The following MYRFL variants were observed in gnomAD, a reference collection of about 807,000 sequenced individuals.
MYRFL encodes the protein myelin regulatory factor like, also known as myelin regulatory factor-like protein.
A neutral mutation model predicts 109.4 loss-of-function variants in MYRFL; 88 were observed. The observed-to-expected ratio is 0.80, with a 90% CI of 0.68 to 0.96. MYRFL has a LOEUF of 0.96. Ranked by LOEUF, MYRFL falls within the 40% of genes least tolerant of loss-of-function variation. MYRFL has a pLI of 0.00. For missense variants in MYRFL, 957 were observed against 954.9 expected, an observed-to-expected ratio of 1.00 and a Z score of -0.03; for synonymous variants, 324 against 320.9, an observed-to-expected ratio of 1.01 and a Z score of -0.10.
At chr12:69,882,329 A>C (rs1197643108) in intron 5 of MYRFL, among the ~76,000 whole-genome samples, 1 of 152,172 alleles carries the variant, frequency 6.6e-6, no homozygotes, top group Admixed American at 6.5e-5. Flanking sequence ...GAAAAAAAAG[A>C]CACAAAACAA....
chr12:69,958,325 T>G lies in MYRFL; in HGVS notation c.2646+2T>G, dbSNP rs779049083. On this transcript the variant is annotated splice_donor_variant, in intron 24 of 24. Transcript: ENST00000552032. LOFTEE classifies it high-confidence loss of function. The stretch of plus-strand genomic sequence containing the variant: ...TTCCATTTCCGTGTAGCTGCACCGG[T>G]AAGCTTGCTTTTTCTTTTTCTTTTC... 6.5e-6 allele frequency: 10 copies of G among 1,535,404 alleles called. No homozygotes were observed. The African/African-American group carries it at 9.6e-5, about 15-fold the overall frequency.
chr12:69,892,006 G>A (rs934346257), intron 7 of MYRFL, among the ~76,000 whole-genome samples: 2 of 152,146 alleles, frequency 1.3e-5, no homozygotes, highest in Non-Finnish European at 2.9e-5. Flanking sequence ...CCTGGGCTCA[G>A]AAAATGGCAC....
chr12:69,935,901 A>C, intron 16 of MYRFL: 2 of 583,484 alleles, frequency 3.4e-6, no homozygotes, highest in East Asian at 5.9e-5. Flanking sequence ...AATACCTAGG[A>C]GCCTCTGAGC....
In MYRFL at chr12:69,853,318, C is replaced by A. The variant is rs141718146; in HGVS notation, c.47-1962C>A. ...GCAGAGACGCTCCTCACTTCCCGGA[C>A]GGGGTGGCTGCTGGGCGGAGGGGCT... On this transcript the variant is annotated intron_variant, in intron 1 of 24. Coordinates refer to ENST00000552032, the MANE Select transcript of MYRFL (RefSeq NM_182530.3). Among the ~76,000 whole-genome samples, 47 of 151,888 alleles carry A rather than the reference C, an allele frequency of 3.1e-4. No individual in the cohort carries two copies. In the East Asian group the frequency reaches 6.6e-3, roughly 21 times the overall value.
chr12:69,904,468 G>A (rs1444044248), intron 11 of MYRFL: 3 of 152,378 alleles, frequency 2.0e-5, no homozygotes, highest in East Asian at 3.9e-4. Flanking sequence ...TGGCTTCTCC[G>A]CTTTGGGCTC....
Position 69,910,011 on chromosome 12 carries a change from A to G in MYRFL, c.1426A>G (p.Ile476Val). The G allele has an allele frequency of 6.5e-7, 1 of 1,534,938 alleles. No homozygotes were observed. The highest frequency in any genetic ancestry group is 8.7e-7 in the Non-Finnish European group (1 of 1,146,520). ...EQLKRIAQMR[I>V]VEYDYKPEFA... ...GCTGAAAAGAATAGCCCAAATGAGAATTGTTGAATATGACTACAAACCTGA... is the reference window on the plus strand; with the variant it reads ...GCTGAAAAGAATAGCCCAAATGAGAGTTGTTGAATATGACTACAAACCTGA... Residue 476 changes from isoleucine (I) to valine (V), a missense_variant, in exon 12 of 25, where the codon ATT becomes GTT. By Grantham distance (29) the Ile-to-Val change is conservative. Coordinates refer to ENST00000552032, the MANE Select transcript of MYRFL (RefSeq NM_182530.3).
intron 10 of MYRFL, among the ~76,000 whole-genome samples, chr12:69,898,257 A>G (rs532286685): frequency 1.5e-4 from 23 of 152,332 alleles, no homozygotes; most frequent in African/African-American, 5.5e-4. Context: ...CCTTTTGTCA[A>G]TTAAAATTAA....
At chr12:69,891,611 CTTTCTTTCTTTCCTCCTTCCTTTCTT>C (rs1566002079) in intron 7 of MYRFL, among the ~76,000 whole-genome samples, 13 of 107,396 alleles carry the variant, frequency 1.2e-4, no homozygotes, top group African/African-American at 3.2e-4. Flanking sequence ...CTTTCTCTTT[CTTTCTTTCTTTCCTCCTTCCTTTCTT>C]TTTCTTTCTT....
intron 7 of MYRFL, among the ~76,000 whole-genome samples, chr12:69,891,637 T>TTTC (rs1566002318): frequency 0.012 from 635 of 53,828 alleles, 27 homozygotes; most frequent in Admixed American, 0.018. Context: ...CTTCCTTTCT[T>TTTC]TTTCTTTCTT....
chr12:69,849,634 G>A (rs1044981143), intron 1 of MYRFL, among the ~76,000 whole-genome samples: 1 of 152,108 alleles, frequency 6.6e-6, no homozygotes, highest in African/African-American at 2.4e-5. Context: ...TTTATGCAGG[G>A]GTAGGGTGAT....
intron 22 of MYRFL, among the ~76,000 whole-genome samples, chr12:69,955,805 G>A (rs1403979032): frequency 6.7e-6 from 1 of 149,088 alleles, no homozygotes; most frequent in Non-Finnish European, 1.5e-5. Context: ...GCTCCCAGTA[G>A]CAATGTTAAT....
chr12:69,865,207 G>T (rs187686948), intron 2 of MYRFL, among the ~76,000 whole-genome samples: 1 of 152,192 alleles, frequency 6.6e-6, no homozygotes, highest in Non-Finnish European at 1.5e-5. Context: ...GAAACCCAGA[G>T]ACTCAGGGAA....
chr12:69,846,780 T>C (rs1438715096), intron 1 of MYRFL, among the ~76,000 whole-genome samples: 1 of 151,820 alleles, frequency 6.6e-6, no homozygotes, highest in Non-Finnish European at 1.5e-5. Context: ...CACACTGACT[T>C]CCACAAGGGT....
At chr12:69,933,877 G>A (rs1732687) in intron 16 of MYRFL, among the ~76,000 whole-genome samples, 1 of 10,460 alleles carries the variant, frequency 9.6e-5, no homozygotes, top group African/African-American at 2.0e-4. Context: ...TTATTAGGTC[G>A]TCTTATTTTT....
chr12:69,955,383 A>G lies in MYRFL; in HGVS notation c.2396A>G (p.Asn799Ser), dbSNP rs1001718747. The change falls in exon 22 of 25, where the codon AAT becomes AGT. Residue 799 changes from asparagine (N) to serine (S), a missense_variant. By Grantham distance (46) the Asn-to-Ser change is conservative. Coordinates refer to ENST00000552032, the MANE Select transcript of MYRFL (RefSeq NM_182530.3). ...ATTAGATCTGGAAATTATAATTACA[A>G]TATTCCTGTTAATAAACACACACCC... ...LQCGSGNYNY[N>S]IPVNKHTPTN... 20 of 660,446 alleles carry G rather than the reference A, an allele frequency of 3.0e-5. No homozygotes were observed. In the African/African-American group the frequency reaches 3.3e-4, roughly 11 times the overall value. The allele number at this position is 660,446 out of a possible 1,614,324, so 40.9% of individuals were successfully genotyped here.
chr12:69,836,754 G>A (rs1374540757), intron 1 of MYRFL, among the ~76,000 whole-genome samples: 4 of 152,178 alleles, frequency 2.6e-5, no homozygotes, highest in Non-Finnish European at 4.4e-5. Flanking sequence ...AGAGAGGCAG[G>A]TTTCTGTGTG....
At chr12:69,838,817 A>G (rs1173437346) in intron 1 of MYRFL, among the ~76,000 whole-genome samples, 1 of 152,222 alleles carries the variant, frequency 6.6e-6, no homozygotes, top group Non-Finnish European at 1.5e-5. Context: ...TAAAAGGAGA[A>G]GTGTGAACTT....
chr12:69,887,373 C>G (rs934075564), intron 6 of MYRFL, among the ~76,000 whole-genome samples: 1 of 152,146 alleles, frequency 6.6e-6, no homozygotes, highest in Non-Finnish European at 1.5e-5. Context: ...GACCACCCCC[C>G]ACGTATATGC....
intron 13 of MYRFL, among the ~76,000 whole-genome samples, chr12:69,923,200 G>A (rs1423929588): frequency 1.3e-5 from 2 of 152,074 alleles, no homozygotes; most frequent in Non-Finnish European, 2.9e-5. Flanking sequence ...GAGTCATTTT[G>A]ACCCAACCAC....
Sources: gnomAD v4.1 joint callset for allele counts (sites outside exome capture counted in the v4.1 genomes callset) on GRCh38, gnomAD v4.1.1 for gene constraint, MANE v1.5 for transcripts, NCBI Gene and HGNC (gene_info 2026-07-23, HGNC 2026-07-21) for gene names.